The following RBM33 variants were observed in gnomAD, a reference collection of about 807,000 sequenced individuals.
The protein encoded by RBM33 is RNA binding motif protein 33.
RBM33 carries 28 observed loss-of-function variants against 132.6 expected under a neutral mutation model. The observed-to-expected ratio is 0.21, with a 90% confidence interval of 0.16 to 0.29. The LOEUF is 0.29. Among genes scored for constraint, RBM33 ranks in the 10% least tolerant of loss-of-function variants. RBM33 has a pLI of 1.00. For synonymous variants in RBM33, 634 were observed against 593.0 expected, an observed-to-expected ratio of 1.07 and a Z score of -1.01; for missense variants, 1,291 against 1,518.5, an observed-to-expected ratio of 0.85 and a Z score of 2.49.
intron 5 of RBM33, chr7:155,685,143 GAT>G: frequency 7.6e-7 from 1 of 1,312,302 alleles, no homozygotes; most frequent in Non-Finnish European, 1.0e-6. Flanking sequence ...AGCGAAAGTC[GAT>G]ACGTATCTTT....
Position 155,680,592 on chromosome 7 carries a change from C to T in RBM33, c.251C>T (p.Ser84Phe). The change falls in exon 5 of 18, where the codon TCT becomes TTT. Residue 84 changes from serine to phenylalanine, a missense_variant and splice_region_variant. Physicochemically the swap from Ser to Phe is radical, Grantham distance 155 (BLOSUM62 -2). Around this residue, in one of 7 missense-constraint regions of RBM33, gnomAD observed 194 missense variants for 249.8 expected, o/e 0.78. Transcript: ENST00000401878. ...SDNEDEENFS[S>F]QGVTISLNAT... ...TTTTTTATTTTCGTCCTCTCTAGTT[C>T]TCAGGGTGTTACAATTAGTCTGAAT... 1.3e-6 allele frequency: 2 copies of T among 1,583,392 alleles called. No homozygotes were observed. The highest frequency in any genetic ancestry group is 1.7e-6 in the Non-Finnish European group (2 of 1,166,496).
At chr7:155,730,293 A>G (rs1054411889) in intron 9 of RBM33, among the ~76,000 whole-genome samples, 9 of 152,210 alleles carry the variant, frequency 5.9e-5, no homozygotes, top group Non-Finnish European at 8.8e-5. Flanking sequence ...AGAAATAAGA[A>G]TGCAAGCAGG....
chr7:155,673,709 C>T (rs898127089), intron 3 of RBM33, among the ~76,000 whole-genome samples: 3 of 142,498 alleles, frequency 2.1e-5, no homozygotes, highest in Non-Finnish European at 3.0e-5. Flanking sequence ...TACATACACA[C>T]GTGTATATAT....
At chr7:155,766,259 TCCTCCG>T (rs1464444079) in intron 15 of RBM33, among the ~76,000 whole-genome samples, 2 of 152,266 alleles carry the variant, frequency 1.3e-5, no homozygotes, top group African/African-American at 4.8e-5. Context: ...TCCCTCCTCT[TCCTCCG>T]CCTACACTTA....
chr7:155,755,925 G>A (rs1374710463), intron 14 of RBM33, among the ~76,000 whole-genome samples: 3 of 151,992 alleles, frequency 2.0e-5, no homozygotes, highest in South Asian at 2.1e-4. Flanking sequence ...TCTAAAAAGC[G>A]ATTTTTATAG....
chr7:155,749,185 A>G (rs1801617950), intron 14 of RBM33, among the ~76,000 whole-genome samples: 1 of 152,198 alleles, frequency 6.6e-6, no homozygotes, highest in Non-Finnish European at 1.5e-5. Context: ...GCATCAGTAA[A>G]TGAAAGCTTC....
At chr7:155,727,726 T>TCC (rs1800833139) in intron 9 of RBM33, among the ~76,000 whole-genome samples, 1 of 152,252 alleles carries the variant, frequency 6.6e-6, no homozygotes, top group African/African-American at 2.4e-5. Context: ...AGCTCTCCCT[T>TCC]CTGTCCAATA....
intron 1 of RBM33, among the ~76,000 whole-genome samples, chr7:155,651,189 G>C (rs1365812561): frequency 1.3e-5 from 2 of 152,138 alleles, no homozygotes; most frequent in Non-Finnish European, 2.9e-5. Flanking sequence ...ACAGCTTCTT[G>C]AGTGTGTGTG....
At chr7:155,662,519 G>GC (rs139288216) in intron 1 of RBM33, among the ~76,000 whole-genome samples, 6,554 of 150,936 alleles carry the variant, frequency 0.043, 208 homozygotes, top group Middle Eastern at 0.11. Context: ...TCCTCACCCC[G>GC]CCCCCCCCGC....
intron 5 of RBM33, among the ~76,000 whole-genome samples, chr7:155,698,614 G>A (rs566544760): frequency 6.6e-6 from 1 of 152,318 alleles, no homozygotes; most frequent in Admixed American, 6.5e-5. Context: ...TGAGCCCCAA[G>A]ATTTGGACCA....
At chr7:155,738,931 G>A (rs1420009671) in intron 11 of RBM33, 1 of 155,566 alleles carries the variant, frequency 6.4e-6, no homozygotes, top group East Asian at 1.9e-4. Context: ...TGCTTCATGG[G>A]TTGACATGCG....
chr7:155,680,301 A>C (rs1799302636), intron 4 of RBM33, among the ~76,000 whole-genome samples: 1 of 152,162 alleles, frequency 6.6e-6, no homozygotes, highest in South Asian at 2.1e-4. Flanking sequence ...GATTTAATTC[A>C]TTTGGTCAAA....
At chr7:155,769,568 A>T (rs1285201877) in intron 16 of RBM33, among the ~76,000 whole-genome samples, 1 of 152,062 alleles carries the variant, frequency 6.6e-6, no homozygotes, top group Non-Finnish European at 1.5e-5. Context: ...TGCAGAGCGG[A>T]TCTCAGCCCA....
rs534191267 is a variant in RBM33 at position 155,765,099 on chromosome 7, A to G, written c.3186+1081A>G. On this transcript the variant is annotated intron_variant, in intron 15 of 17. Transcript: ENST00000401878. ...CACCCTCCATAACGCGCACACGCAC[A>G]GCACACTTGAGTTTCTTCAACTTAA... 2.3e-4 allele frequency among the ~76,000 whole-genome samples: 35 copies of G among 152,348 alleles called. No individual in the cohort carries two copies. The South Asian group carries it at 6.6e-3, about 29-fold the overall frequency.
rs927840578 is a variant in RBM33 at position 155,780,715 on chromosome 7, C to T, written c.*5674C>T. On this transcript the variant is annotated 3_prime_UTR_variant, in exon 18 of 18. Transcript: ENST00000401878. Reference sequence around the variant, plus strand: ...GCCGTATTCCTGCCACTCTGCTCCGCCTCAGCCTTGAGAACTCCACGTGGG... The same window carrying T: ...GCCGTATTCCTGCCACTCTGCTCCGTCTCAGCCTTGAGAACTCCACGTGGG... 4.6e-5 allele frequency: 7 copies of T among 152,486 alleles called. No individual in the cohort carries two copies. In the East Asian group the frequency reaches 1.4e-3, roughly 29 times the overall value. The allele number at this position is 152,486 out of a possible 1,614,324, so 9.4% of individuals were successfully genotyped here.
chr7:155,675,766 G>A (rs1799168886), intron 3 of RBM33, among the ~76,000 whole-genome samples: 1 of 152,158 alleles, frequency 6.6e-6, no homozygotes, highest in African/African-American at 2.4e-5. Context: ...ATTCTGGCCT[G>A]AGGGTGGAAA....
At position 155,680,671 on chromosome 7, in the gene RBM33, A is replaced by G. The variant is rs922484805; in HGVS notation, c.330A>G (p.Gln110=). 6.2e-7 allele frequency: 1 copy of G among 1,611,324 alleles called. No individual in the cohort carries two copies. Among genetic ancestry groups the G allele is most frequent in the African/African-American group, 1.3e-5 (1 of 74,882 alleles). Residue 110 remains glutamine (Q), a synonymous_variant, in exon 5 of 18, where the codon CAA becomes CAG. Coordinates refer to ENST00000401878, the MANE Select transcript of RBM33 (RefSeq NM_053043.3). The part of the protein sequence containing the change: ...SFELSDNTND[Q]SGEQESEYEQ... ...AACTCTCTGACAACACTAACGACCA[A>G]TCTGGAGAACAGGAATCTGAGTATG... is the stretch of plus-strand genomic sequence containing the variant.
intron 3 of RBM33, among the ~76,000 whole-genome samples, chr7:155,673,940 G>GTTGTTGTTTGTTTTATTT: frequency 1.8e-5 from 1 of 54,214 alleles, no homozygotes; most frequent in Non-Finnish European, 3.2e-5. Flanking sequence ...TTTAGGCTTA[G>GTTGTTGTTTGTTTTATTT]TTTTTTTTTT....
Position 155,780,089 on chromosome 7 carries a change from A to C in RBM33, c.*5048A>C, listed in dbSNP as rs1419394156. The C allele has an allele frequency of 6.6e-6, 1 of 152,240 alleles. No individual in the cohort carries two copies. The highest frequency in any genetic ancestry group is 6.5e-5 in the Admixed American group (1 of 15,284). 9.4% of individuals were successfully genotyped at this position (152,240 alleles called of 1,614,324 possible). A position where few individuals can be genotyped will look rare whatever the true frequency, so the allele number is the denominator to read the frequency against. ...ATACTCTAGAAAGTAGACCTCATGCATTCTTTTAGCATGATTTTCTTTTAA... is the reference window on the plus strand; with the variant it reads ...ATACTCTAGAAAGTAGACCTCATGCCTTCTTTTAGCATGATTTTCTTTTAA... On this transcript the variant is annotated 3_prime_UTR_variant, in exon 18 of 18. Coordinates refer to ENST00000401878, the MANE Select transcript of RBM33 (RefSeq NM_053043.3).
Sources: gnomAD v4.1 joint callset for allele counts (sites outside exome capture counted in the v4.1 genomes callset) on GRCh38, gnomAD v4.1.1 for gene constraint, gnomAD v4.1.1 regional missense constraint, MANE v1.5 for transcripts, NCBI Gene and HGNC (gene_info 2026-07-23, HGNC 2026-07-21) for gene names.